PLXDC2: variants seen among roughly 807,000 people sequenced by gnomAD.
PLXDC2 encodes plexin domain containing 2, also known as plexin domain-containing protein 2.
Under a neutral mutation model 68.9 loss-of-function variants are expected in PLXDC2, and 40 were observed. The ratio of observed to expected loss-of-function variants is 0.58; its 90% CI spans 0.45 to 0.76. PLXDC2 has a LOEUF of 0.76. PLXDC2 is among the 30% of genes least tolerant of loss of function. The pLI, the probability that PLXDC2 is intolerant of heterozygous loss-of-function variation, is 0.00. For synonymous variants in PLXDC2, 243 were observed against 234.2 expected, an observed-to-expected ratio of 1.04 and a Z score of -0.34; for missense variants, 644 against 661.9, an observed-to-expected ratio of 0.97 and a Z score of 0.30.
At chr10:20,187,491 G>A (rs1453853487) in intron 9 of PLXDC2, among the ~76,000 whole-genome samples, 2 of 151,474 alleles carry the variant, frequency 1.3e-5, no homozygotes, top group African/African-American at 2.4e-5. Context: ...TGTTAGGAAC[G>A]TTTAAAATCT....
chr10:19,996,983 T>G (rs1834855897), intron 1 of PLXDC2, among the ~76,000 whole-genome samples: 9 of 151,954 alleles, frequency 5.9e-5, no homozygotes, highest in African/African-American at 2.4e-5. Context: ...GAATTCAGGA[T>G]GAGATTAGGG....
intron 2 of PLXDC2, among the ~76,000 whole-genome samples, chr10:20,036,380 C>T (rs1835579919): frequency 6.6e-6 from 1 of 152,086 alleles, no homozygotes; most frequent in Non-Finnish European, 1.5e-5. Flanking sequence ...GAGGAGAGCC[C>T]TCAATGAAAA....
chr10:20,165,638 C>G (rs1834365074), intron 7 of PLXDC2, among the ~76,000 whole-genome samples: 2 of 152,042 alleles, frequency 1.3e-5, no homozygotes, highest in Admixed American at 1.3e-4. Context: ...GTTTGGGAGT[C>G]TAAAGGAAGA....
intron 1 of PLXDC2, among the ~76,000 whole-genome samples, chr10:19,907,045 T>A (rs774660675): frequency 6.6e-6 from 1 of 152,178 alleles, no homozygotes; most frequent in Non-Finnish European, 1.5e-5. Flanking sequence ...TTAAAGTTGG[T>A]CAGCTTCAAA....
intron 6 of PLXDC2, among the ~76,000 whole-genome samples, chr10:20,157,655 G>A (rs887500932): frequency 6.6e-6 from 1 of 152,132 alleles, no homozygotes; most frequent in Non-Finnish European, 1.5e-5. Flanking sequence ...AAAGGCCAGT[G>A]TGCTCTGCTC....
At chr10:19,959,234 G>A (rs1431551937) in intron 1 of PLXDC2, among the ~76,000 whole-genome samples, 1 of 152,042 alleles carries the variant, frequency 6.6e-6, no homozygotes, top group East Asian at 1.9e-4. Context: ...TTACAAAACT[G>A]TTGAATGATT....
Position 20,050,179 on chromosome 10 carries a change from T to G in PLXDC2, c.471+3164T>G, listed in dbSNP as rs149208167. Among the ~76,000 whole-genome samples the G allele has an allele frequency of 1.6e-3, 242 of 152,160 alleles. 1 individual carries two copies. The highest frequency in any genetic ancestry group is 4.7e-3 in the African/African-American group (194 of 41,526). ...CCATATACAGCAGATTGAAGCTGGATCCCTTCCTTACACCATATACAAAAA... is the reference window on the plus strand; with the variant it reads ...CCATATACAGCAGATTGAAGCTGGAGCCCTTCCTTACACCATATACAAAAA... On this transcript the variant is annotated intron_variant, in intron 3 of 13. Coordinates refer to ENST00000377252, the MANE Select transcript of PLXDC2 (RefSeq NM_032812.9).
intron 9 of PLXDC2, among the ~76,000 whole-genome samples, chr10:20,178,547 C>T (rs1030168053): frequency 6.6e-6 from 1 of 152,090 alleles, no homozygotes; most frequent in Non-Finnish European, 1.5e-5. Flanking sequence ...ACCGAATATT[C>T]ATGCTGTTAA....
chr10:20,039,271 C>CA (rs1193666240), intron 2 of PLXDC2, among the ~76,000 whole-genome samples: 2 of 152,040 alleles, frequency 1.3e-5, no homozygotes, highest in African/African-American at 4.8e-5. Flanking sequence ...ACACTTACAG[C>CA]AAAAAATCAC....
In PLXDC2 at chr10:20,059,463, A is replaced by G. The variant is rs757703017; in HGVS notation, c.472-8707A>G. Among the ~76,000 whole-genome samples the G allele has an allele frequency of 7.2e-5, 11 of 152,200 alleles. No individual in the cohort carries two copies. The South Asian group carries it at 1.0e-3, about 14-fold the overall frequency. On this transcript the variant is annotated intron_variant, in intron 3 of 13. Coordinates refer to ENST00000377252, the MANE Select transcript of PLXDC2 (RefSeq NM_032812.9). ...GTGCACCACCATCAGCTAATTGAAA[A>G]TGTTTGCATTTTGTTTTCCAGTTTA...
intron 1 of PLXDC2, among the ~76,000 whole-genome samples, chr10:19,877,774 T>G (rs1300527696): frequency 6.6e-6 from 1 of 152,250 alleles, no homozygotes; most frequent in Non-Finnish European, 1.5e-5. Flanking sequence ...ATTCGGGGCC[T>G]TTTTATAATA....
intron 7 of PLXDC2, among the ~76,000 whole-genome samples, chr10:20,167,237 T>G (rs1356762598): frequency 6.6e-6 from 1 of 152,160 alleles, no homozygotes; most frequent in Non-Finnish European, 1.5e-5. Context: ...TAAAAGTCTC[T>G]CCCACATTTA....
chr10:20,109,115 G>T (rs1207436353), intron 4 of PLXDC2, among the ~76,000 whole-genome samples: 1 of 152,142 alleles, frequency 6.6e-6, no homozygotes, highest in Non-Finnish European at 1.5e-5. Context: ...CTAACCTGGC[G>T]CTCAGGGAGG....
chr10:20,243,851 G>T (rs965987928), intron 12 of PLXDC2, among the ~76,000 whole-genome samples: 1 of 152,102 alleles, frequency 6.6e-6, no homozygotes, highest in Admixed American at 6.6e-5. Context: ...TTGAGGTCAG[G>T]TATTCAAGAC....
At chr10:19,936,668 A>T (rs1833730484) in intron 1 of PLXDC2, among the ~76,000 whole-genome samples, 1 of 152,164 alleles carries the variant, frequency 6.6e-6, no homozygotes, top group Admixed American at 6.5e-5. Flanking sequence ...TCATGCCGTG[A>T]TGTATTGTTG....
At chr10:19,919,984 C>T (rs527732345) in intron 1 of PLXDC2, among the ~76,000 whole-genome samples, 19 of 152,142 alleles carry the variant, frequency 1.2e-4, no homozygotes, top group Non-Finnish European at 7.4e-5. Flanking sequence ...ACAACTTTAC[C>T]CACCCCCAAA....
intron 12 of PLXDC2, among the ~76,000 whole-genome samples, chr10:20,220,569 A>G (rs1835196098): frequency 6.6e-6 from 1 of 152,050 alleles, no homozygotes; most frequent in Admixed American, 6.6e-5. Context: ...ATAGGAAAAA[A>G]CAAACAAAGG....
At chr10:19,998,958 CAA>C (rs1215521698) in intron 1 of PLXDC2, among the ~76,000 whole-genome samples, 1 of 152,110 alleles carries the variant, frequency 6.6e-6, no homozygotes, top group Non-Finnish European at 1.5e-5. Context: ...AGTACAAAAA[CAA>C]GAGTTTGACA....
At chr10:20,123,657 G>C (rs1388066549) in intron 4 of PLXDC2, among the ~76,000 whole-genome samples, 1 of 151,942 alleles carries the variant, frequency 6.6e-6, no homozygotes, top group Non-Finnish European at 1.5e-5. Flanking sequence ...AAGGAGGCAA[G>C]CCCAGAGAAA....
Sources: allele counts gnomAD v4.1 joint callset (sites outside exome capture counted in the v4.1 genomes callset), GRCh38; gene constraint gnomAD v4.1.1; transcripts MANE v1.5; gene names NCBI Gene and HGNC (gene_info 2026-07-23, HGNC 2026-07-21).